The following ZFAND3 variants were observed in gnomAD, a reference collection of about 807,000 sequenced individuals.
ZFAND3 encodes zinc finger AN1-type containing 3.
In ZFAND3, 10 loss-of-function variants were observed where a neutral mutation model predicts 29.6. The ratio of observed to expected loss-of-function variants is 0.34; its 90% CI spans 0.21 to 0.57. The LOEUF (loss-of-function observed/expected upper bound fraction) is 0.57, where lower values mean the gene tolerates loss of function less well. Among genes scored for constraint, ZFAND3 ranks in the 20% least tolerant of loss-of-function variants. The pLI is 0.86. For missense variants in ZFAND3, 230 were observed against 304.5 expected, an observed-to-expected ratio of 0.76 and a Z score of 1.82; for synonymous variants, 128 against 112.6, an observed-to-expected ratio of 1.14 and a Z score of -0.87.
At chr6:37,844,528 G>T (rs1159953956) in intron 1 of ZFAND3, among the ~76,000 whole-genome samples, 2 of 151,718 alleles carry the variant, frequency 1.3e-5, no homozygotes, top group African/African-American at 4.8e-5. Flanking sequence ...TGATCTGCCC[G>T]CCTTGGCCTC....
In ZFAND3 at chr6:38,153,814, C is replaced by G; in HGVS notation, c.*1425C>G. Reference sequence around the variant, plus strand: ...CAGTGGTCCTAGTGCCGCATCAGATCCAGGTGGGTGAGGGCAGGAGGCCCC... The same window carrying G: ...CAGTGGTCCTAGTGCCGCATCAGATGCAGGTGGGTGAGGGCAGGAGGCCCC... On this transcript the variant is annotated 3_prime_UTR_variant, in exon 6 of 6. Coordinates refer to ENST00000287218, the MANE Select transcript of ZFAND3 (RefSeq NM_021943.3). The G allele has an allele frequency of 1.0e-6, 1 of 985,516 alleles. No individual in the cohort carries two copies. Among genetic ancestry groups the G allele is most frequent in the Non-Finnish European group, 1.2e-6 (1 of 829,976 alleles). 61.0% of individuals were successfully genotyped at this position (985,516 alleles called of 1,614,324 possible).
chr6:38,088,260 T>C (rs1443774885), intron 4 of ZFAND3: 2 of 152,166 alleles, frequency 1.3e-5, no homozygotes, highest in African/African-American at 4.8e-5. Flanking sequence ...GAACTGGAGG[T>C]CATTATGTTA....
chr6:38,053,944 A>G (rs1370628430), intron 2 of ZFAND3, among the ~76,000 whole-genome samples: 8 of 147,086 alleles, frequency 5.4e-5, no homozygotes, highest in Admixed American at 2.0e-4. Flanking sequence ...GACAAGGTCT[A>G]TTTTTTTTTT....
chr6:38,133,219 A>C (rs1386952241), intron 5 of ZFAND3, among the ~76,000 whole-genome samples: 2 of 152,152 alleles, frequency 1.3e-5, no homozygotes, highest in African/African-American at 4.8e-5. Context: ...TTGTCTGTTT[A>C]CATGTCTGTC....
chr6:38,144,211 A>ATACATATAT (rs70981524), intron 5 of ZFAND3, among the ~76,000 whole-genome samples: 1 of 45,880 alleles, frequency 2.2e-5, no homozygotes, highest in African/African-American at 1.2e-4. Context: ...ATATATATAT[A>ATACATATAT]ATATATAATA....
intron 1 of ZFAND3, among the ~76,000 whole-genome samples, chr6:37,833,797 A>C (rs1763907884): frequency 6.9e-6 from 1 of 145,968 alleles, no homozygotes; most frequent in African/African-American, 2.6e-5. Context: ...CTGCACTTCC[A>C]GCCTGGGCGA....
intron 4 of ZFAND3, 89 bp downstream of exon 4, chr6:38,082,546 G>T (rs1466098491): frequency 7.2e-6 from 9 of 1,255,342 alleles, no homozygotes; most frequent in Non-Finnish European, 1.0e-5. Flanking sequence ...GCTTCTCAGG[G>T]TACTCTGATT....
At chr6:37,993,171 C>T (rs978067554) in intron 2 of ZFAND3, among the ~76,000 whole-genome samples, 2 of 151,640 alleles carry the variant, frequency 1.3e-5, no homozygotes, top group Admixed American at 6.6e-5. Flanking sequence ...TAAGAAGTGT[C>T]TTTTTAATCT....
chr6:37,977,598 C>T (rs1447523789), intron 2 of ZFAND3, among the ~76,000 whole-genome samples: 1 of 152,080 alleles, frequency 6.6e-6, no homozygotes, highest in African/African-American at 2.4e-5. Flanking sequence ...TGAGCCACTG[C>T]ACCCAGCCTA....
At chr6:38,112,525 G>T (rs1437947033) in intron 4 of ZFAND3, among the ~76,000 whole-genome samples, 1 of 152,218 alleles carries the variant, frequency 6.6e-6, no homozygotes, top group African/African-American at 2.4e-5. Context: ...GAGTATGTAA[G>T]TAGACTGTTA....
chr6:38,141,240 A>G (rs762232656), intron 5 of ZFAND3, among the ~76,000 whole-genome samples: 11 of 152,230 alleles, frequency 7.2e-5, no homozygotes, highest in Non-Finnish European at 1.3e-4. Flanking sequence ...CAGAATGTCT[A>G]CAGCCCATTC....
chr6:38,015,636 G>T (rs1763240429), intron 2 of ZFAND3, among the ~76,000 whole-genome samples: 1 of 152,144 alleles, frequency 6.6e-6, no homozygotes, highest in Non-Finnish European at 1.5e-5. Flanking sequence ...TCAAAAACAT[G>T]GTTGAATTAA....
chr6:37,854,062 C>T (rs1764332315), intron 1 of ZFAND3, among the ~76,000 whole-genome samples: 1 of 152,122 alleles, frequency 6.6e-6, no homozygotes, highest in Non-Finnish European at 1.5e-5. Flanking sequence ...AGCGATTCTC[C>T]TGCCTCAGCC....
chr6:37,945,397 G>A (rs1338883737), intron 2 of ZFAND3, among the ~76,000 whole-genome samples: 2 of 152,238 alleles, frequency 1.3e-5, no homozygotes, highest in Non-Finnish European at 1.5e-5. Context: ...GAAGATCATT[G>A]ACATAGTCTT....
In ZFAND3 at chr6:38,007,296, A is replaced by G. The variant is rs564143813; in HGVS notation, c.113-54297A>G. ...AACACTTTGGGAGGCTGAGGATTAC[A>G]TGCCTGTAATCCTAGCACTTTGGGA... On this transcript the variant is annotated intron_variant, in intron 2 of 5. Transcript: ENST00000287218. 4.6e-5 allele frequency among the ~76,000 whole-genome samples: 7 copies of G among 152,278 alleles called. No homozygotes were observed. In the South Asian group the frequency reaches 1.4e-3, roughly 32 times the overall value.
chr6:37,984,806 G>A (rs1339526969), intron 2 of ZFAND3, among the ~76,000 whole-genome samples: 1 of 152,182 alleles, frequency 6.6e-6, no homozygotes, highest in African/African-American at 2.4e-5. Flanking sequence ...AGTGGAATGA[G>A]CCAGTTGTAG....
chr6:38,066,688 A>G (rs1390735), intron 3 of ZFAND3, among the ~76,000 whole-genome samples: 41,224 of 152,106 alleles, frequency 0.27, 6,746 homozygotes, highest in Admixed American at 0.4. Context: ...CTTACTATCA[A>G]CATGAACTTG....
intron 2 of ZFAND3, among the ~76,000 whole-genome samples, chr6:37,950,527 G>A (rs1023128035): frequency 3.9e-5 from 6 of 151,930 alleles, no homozygotes; most frequent in African/African-American, 1.5e-4. Context: ...ACAGGCGCCT[G>A]CCACCGTGCC....
intron 2 of ZFAND3, 129 bp downstream of exon 2, chr6:37,930,128 G>A: frequency 1.1e-6 from 1 of 925,490 alleles, no homozygotes; most frequent in South Asian, 2.1e-5. Context: ...CTTAGCTTGT[G>A]TGAGAAAGCA....
Sources: allele counts gnomAD v4.1 joint callset (sites outside exome capture counted in the v4.1 genomes callset), GRCh38; gene constraint gnomAD v4.1.1; transcripts MANE v1.5; gene names NCBI Gene and HGNC (gene_info 2026-07-23, HGNC 2026-07-21).